NAV1: variants seen among roughly 807,000 people sequenced by gnomAD.
The protein encoded by NAV1 is neuron navigator 1.
In NAV1, 18 loss-of-function variants were observed where a neutral mutation model predicts 175.2. The ratio of observed to expected loss-of-function variants is 0.10; its 90% CI spans 0.07 to 0.15. The LOEUF (loss-of-function observed/expected upper bound fraction) is 0.15, where lower values mean the gene tolerates loss of function less well. Among genes scored for constraint, NAV1 ranks in the 10% least tolerant of loss-of-function variants. NAV1 has a pLI of 1.00. For missense variants in NAV1, 1,731 were observed against 2,436.6 expected, an observed-to-expected ratio of 0.71 and a Z score of 6.10; for synonymous variants, 897 against 978.7, an observed-to-expected ratio of 0.92 and a Z score of 1.56.
rs764392937 is a variant in NAV1 at position 201,752,610 on chromosome 1, CT to C, written c.1227-27798del. Among the ~76,000 whole-genome samples the C allele has an allele frequency of 4.9e-3, 701 of 142,516 alleles. 1 individual carries two copies. The highest frequency in any genetic ancestry group is 7.4e-3 in the Middle Eastern group (2 of 272). The allele number at this position is 142,516 out of a possible 152,430, so 93.5% of individuals were successfully genotyped here. ...AGAAGGTAACGGATTACAGCTTTGC[CT>C]TTTTTTTTTTTTAATTGCTCTGTAG... On this transcript the variant is annotated intron_variant, in intron 3 of 29. Coordinates refer to ENST00000367296, the Ensembl canonical transcript of NAV1.
At chr1:201,673,135 G>A (rs1259710804) in intron 1 of NAV1, 1 of 152,150 alleles carries the variant, frequency 6.6e-6, no homozygotes, top group East Asian at 1.9e-4. Flanking sequence ...TATTGTTTTA[G>A]GCTCTGTGAG....
chr1:201,621,278 T>C (rs1668159796), upstream of NAV1, among the ~76,000 whole-genome samples: 1 of 151,968 alleles, frequency 6.6e-6, no homozygotes. Context: ...GCTCCCTATA[T>C]GTAAAGGTGT....
intron 5 of NAV1, 131 bp downstream of exon 9, chr1:201,781,440 G>T: frequency 5.4e-6 from 5 of 926,690 alleles, no homozygotes; most frequent in Non-Finnish European, 7.9e-6. Context: ...TATCTTATCT[G>T]GTCTAAGGAC....
At chr1:201,684,475 C>CT (rs71138346) in intron 1 of NAV1, among the ~76,000 whole-genome samples, 102,541 of 127,810 alleles carry the variant, frequency 0.8, 41,598 homozygotes, top group East Asian at 0.88. Context: ...TTTATGCAGC[C>CT]TTTTTTTTTT....
At chr1:201,764,073 A>G (rs1256251062) in intron 3 of NAV1, among the ~76,000 whole-genome samples, 1 of 152,168 alleles carries the variant, frequency 6.6e-6, no homozygotes, top group Non-Finnish European at 1.5e-5. Flanking sequence ...TCGGGTATTT[A>G]ATTTTCCTAT....
chr1:201,622,162 GGGAA>G (rs907512006), upstream of NAV1, among the ~76,000 whole-genome samples: 3 of 152,294 alleles, frequency 2.0e-5, no homozygotes, highest in African/African-American at 7.2e-5. Context: ...GAGGTGGGTA[GGGAA>G]TGGGCTGGAG....
intron 1 of NAV1, among the ~76,000 whole-genome samples, chr1:201,670,113 C>T (rs183853426): frequency 1.3e-3 from 197 of 151,688 alleles, no homozygotes; most frequent in African/African-American, 4.4e-3. Flanking sequence ...AAGCTCGGGC[C>T]GGGTGCGGTG....
chr1:201,754,976 A>T (rs1389093325), intron 3 of NAV1, among the ~76,000 whole-genome samples: 1 of 152,248 alleles, frequency 6.6e-6, no homozygotes, highest in Non-Finnish European at 1.5e-5. Context: ...TAAAAATGCC[A>T]GTCAGGAACA....
rs143644173 is a variant in NAV1, at chr1:201,787,115, C to T, written c.2995+538C>T. ...TCAGATGTGTCCTGGCCACCCCCTT[C>T]CTAAAGCCTAGGGAGAAAGGAGAGC... is the stretch of plus-strand genomic sequence containing the variant. On this transcript the variant is annotated intron_variant, in intron 9 of 29. Coordinates refer to ENST00000367296, the Ensembl canonical transcript of NAV1. This position sits in a 1 kb window ranked among gnomAD's most constrained non-coding sequence, Gnocchi z 4.3. Among the ~76,000 whole-genome samples the T allele has an allele frequency of 6.6e-6, 1 of 152,168 alleles. No individual in the cohort carries two copies. The highest frequency in any genetic ancestry group is 2.4e-5 in the African/African-American group (1 of 41,440).
At chr1:201,599,718 C>A (rs866445667) in intron 2 of NAV1, among the ~76,000 whole-genome samples, 1 of 152,112 alleles carries the variant, frequency 6.6e-6, no homozygotes. Flanking sequence ...TTCTCTTCAG[C>A]GCCACTCACG....
intron 2 of NAV1, 173 bp downstream of exon 4, chr1:201,629,680 C>A: frequency 5.5e-6 from 2 of 364,486 alleles, no homozygotes; most frequent in Non-Finnish European, 5.0e-6. Context: ...CAGGGTTGGT[C>A]CATCAAACCC....
exon 30 of NAV1, chr1:201,822,490 G>A (rs1163409954): frequency 1.3e-5 from 2 of 152,618 alleles, no homozygotes; most frequent in East Asian, 3.9e-4. Flanking sequence ...AAAAGGAGAG[G>A]GGAGAACCCC....
At position 201,539,317 on chromosome 1, in the gene NAV1, C is replaced by A. The variant is rs916763111; in HGVS notation, c.-169C>A. 6.6e-6 allele frequency among the ~76,000 whole-genome samples: 1 copy of A among 151,904 alleles called. No individual in the cohort carries two copies. Among genetic ancestry groups the A allele is most frequent in the Non-Finnish European group, 1.5e-5 (1 of 67,952 alleles). ...ACTCTGCGCGGCTGCGGCGCGGACCCGGAGCCCGGGCGGGCAGGCGCTCCG... is the reference window on the plus strand; with the variant it reads ...ACTCTGCGCGGCTGCGGCGCGGACCAGGAGCCCGGGCGGGCAGGCGCTCCG... On this transcript the variant is annotated 5_prime_UTR_variant, in exon 1 of 34. Coordinates refer to the NAV1 transcript ENST00000685211. This position sits in a 1 kb window ranked among gnomAD's most constrained non-coding sequence, Gnocchi z 5.6.
Position 201,808,269 on chromosome 1 carries a change from A to C in NAV1, c.3845+120A>C. The C allele has an allele frequency of 7.2e-7, 1 of 1,389,920 alleles. No individual in the cohort carries two copies. The highest frequency in any genetic ancestry group is 9.9e-7 in the Non-Finnish European group (1 of 1,014,644). The allele number at this position is 1,389,920 out of a possible 1,614,324, so 86.1% of individuals were successfully genotyped here. ...ACTTATTACTGACCTCTCCCTGGGC[A>C]TATGAGACCAACAGATGGACCTTTC... On this transcript the variant is annotated intron_variant, in intron 18 of 29. Coordinates refer to ENST00000367296, the Ensembl canonical transcript of NAV1. The surrounding 1 kb of genome is among the most constrained non-coding windows in gnomAD (Gnocchi z 5.5).
At chr1:201,739,985 G>A in intron 3 of NAV1, 1 of 1,446,070 alleles carries the variant, frequency 6.9e-7, no homozygotes, top group Non-Finnish European at 9.1e-7. Flanking sequence ...GGGGGGCGCT[G>A]GGTGCCCACC....
At chr1:201,822,664 C>G (rs1025150053) in exon 30 of NAV1, 4 of 152,680 alleles carry the variant, frequency 2.6e-5, no homozygotes, top group Non-Finnish European at 5.9e-5. Context: ...CTACTCTCAG[C>G]TGACTGCTGC....
intron 1 of NAV1, among the ~76,000 whole-genome samples, chr1:201,696,475 T>C (rs915728493): frequency 2.6e-5 from 4 of 152,088 alleles, no homozygotes; most frequent in South Asian, 2.1e-4. Context: ...CGAGGAAGCA[T>C]TGGACAGGAG....
intron 2 of NAV1, among the ~76,000 whole-genome samples, chr1:201,612,867 C>T (rs1667895030): frequency 6.6e-6 from 1 of 151,766 alleles, no homozygotes; most frequent in South Asian, 2.1e-4. Context: ...GTGTGTGTCA[C>T]TATGTGTGTA....
intron 3 of NAV1, among the ~76,000 whole-genome samples, chr1:201,743,620 A>G (rs10920247): frequency 0.14 from 21,042 of 152,232 alleles, 1,871 homozygotes; most frequent in East Asian, 0.36. Context: ...CATTCCCAGA[A>G]GCAAGAGTCT....
Sources: allele counts gnomAD v4.1 joint callset (sites outside exome capture counted in the v4.1 genomes callset), GRCh38; gene constraint gnomAD v4.1.1; non-coding constraint Gnocchi (gnomAD v3.1); transcripts MANE v1.5; gene names NCBI Gene and HGNC (gene_info 2026-07-23, HGNC 2026-07-21).